The following CDH12 variants were observed in gnomAD, a reference collection of about 807,000 sequenced individuals.
CDH12 encodes the protein cadherin 12.
A neutral mutation model predicts 74.1 loss-of-function variants in CDH12; 41 were observed. The ratio of observed to expected loss-of-function variants is 0.55; its 90% confidence interval spans 0.43 to 0.72. The LOEUF (loss-of-function observed/expected upper bound fraction) is 0.72, where lower values mean the gene tolerates loss of function less well. Ranked by LOEUF, CDH12 falls within the 30% of genes least tolerant of loss-of-function variation. The probability of loss-of-function intolerance (pLI) is 0.00; values close to 1 mark genes in which losing one functional copy is unlikely to be tolerated. For synonymous variants in CDH12, 399 were observed against 355.0 expected (o/e 1.12, Z -1.39); for missense variants, 945 against 977.2 (o/e 0.97, Z 0.44).
chr5:22,631,515 T>A (rs550186215), intron 1 of CDH12, among the ~76,000 whole-genome samples: 2 of 152,252 alleles, frequency 1.3e-5, no homozygotes, highest in East Asian at 3.9e-4. Flanking sequence ...GCCATTATCT[T>A]AAGTGAACCG....
chr5:21,990,304 T>C (rs1303484576), intron 5 of CDH12, among the ~76,000 whole-genome samples: 1 of 152,132 alleles, frequency 6.6e-6, no homozygotes, highest in Non-Finnish European at 1.5e-5. Context: ...GAATTTTTGT[T>C]TGGCATATAG....
At chr5:22,199,162 G>T (rs1462881827) in intron 4 of CDH12, among the ~76,000 whole-genome samples, 1 of 152,120 alleles carries the variant, frequency 6.6e-6, no homozygotes, top group East Asian at 1.9e-4. Context: ...ACCACTTGGG[G>T]AAGCAACACA....
intron 4 of CDH12, chr5:22,172,309 C>G (rs1189324746): frequency 6.6e-6 from 1 of 151,778 alleles, no homozygotes; most frequent in African/African-American, 2.4e-5. Flanking sequence ...CACTTTTTCC[C>G]TCTTTATTCA....
intron 4 of CDH12, among the ~76,000 whole-genome samples, chr5:22,156,079 A>C (rs1039638220): frequency 3.9e-5 from 6 of 152,166 alleles, no homozygotes; most frequent in African/African-American, 1.4e-4. Flanking sequence ...TATAAAAGAT[A>C]ACATTAAATA....
intron 3 of CDH12, among the ~76,000 whole-genome samples, chr5:22,263,409 T>TCA (rs1418701625): frequency 1.3e-5 from 2 of 152,090 alleles, no homozygotes; most frequent in African/African-American, 4.8e-5. Flanking sequence ...AGTGTTAATA[T>TCA]CATTCTGGAG....
chr5:22,470,822 C>T (rs1485865703), intron 2 of CDH12, among the ~76,000 whole-genome samples: 1 of 149,378 alleles, frequency 6.7e-6, no homozygotes, highest in South Asian at 2.1e-4. Flanking sequence ...CACTTCTGAG[C>T]CCTTTTTTTT....
chr5:21,802,507 G>A (rs1747176575), intron 9 of CDH12, 87 bp from the exon 10 acceptor site: 2 of 1,107,306 alleles, frequency 1.8e-6, no homozygotes, highest in South Asian at 1.4e-5. Flanking sequence ...CAATTTGCAA[G>A]TTATTATCAA....
At chr5:22,498,999 G>C (rs1028509261) in intron 2 of CDH12, among the ~76,000 whole-genome samples, 1 of 138,268 alleles carries the variant, frequency 7.2e-6, no homozygotes, top group African/African-American at 2.7e-5. Flanking sequence ...TGTCTCCCCC[G>C]TTCAAGTGAT....
intron 1 of CDH12, among the ~76,000 whole-genome samples, chr5:22,745,585 C>A (rs1745253062): frequency 2.0e-5 from 3 of 151,986 alleles, no homozygotes; most frequent in African/African-American, 7.3e-5. Flanking sequence ...TACCATGCAG[C>A]CATAAAAAAG....
chr5:22,738,535 T>C (rs1197902759), intron 1 of CDH12, among the ~76,000 whole-genome samples: 1 of 152,036 alleles, frequency 6.6e-6, no homozygotes, highest in Non-Finnish European at 1.5e-5. Flanking sequence ...AAATTCAGTA[T>C]TGTGATAGAC....
intron 6 of CDH12, among the ~76,000 whole-genome samples, chr5:21,903,505 C>A (rs1467766840): frequency 6.6e-6 from 1 of 152,060 alleles, no homozygotes; most frequent in Non-Finnish European, 1.5e-5. Context: ...GCTAAGGGTT[C>A]GTTATCTTAA....
chr5:22,406,147 G>T (rs1003638136), intron 2 of CDH12, among the ~76,000 whole-genome samples: 3 of 152,168 alleles, frequency 2.0e-5, no homozygotes, highest in Non-Finnish European at 4.4e-5. Flanking sequence ...TGTAGTTACA[G>T]ATTATAAAAT....
chr5:22,395,623 T>C (rs766442848), intron 3 of CDH12, among the ~76,000 whole-genome samples: 2 of 152,100 alleles, frequency 1.3e-5, no homozygotes, highest in African/African-American at 2.4e-5. Context: ...TTTGGACATA[T>C]TAAATATAAG....
intron 1 of CDH12, among the ~76,000 whole-genome samples, chr5:22,681,223 T>TGG (rs35740954): frequency 2.8e-4 from 41 of 147,170 alleles, no homozygotes; most frequent in African/African-American, 8.8e-4. Flanking sequence ...TCCTGGGTAT[T>TGG]GGGGGGTGTG....
chr5:21,974,429 A>T (rs556823537), intron 6 of CDH12, among the ~76,000 whole-genome samples: 1 of 152,104 alleles, frequency 6.6e-6, no homozygotes, highest in Non-Finnish European at 1.5e-5. Flanking sequence ...CTGATATGGA[A>T]ATGTATATTT....
At chr5:22,762,678 C>A (rs1746289427) in intron 1 of CDH12, among the ~76,000 whole-genome samples, 1 of 151,952 alleles carries the variant, frequency 6.6e-6, no homozygotes, top group African/African-American at 2.4e-5. Flanking sequence ...ACATTCTTTT[C>A]TGGGAAGATA....
rs1442743715 is a variant in CDH12, at chr5:22,382,665, G to A, written c.-333+22592C>T. Among the ~76,000 whole-genome samples the A allele has an allele frequency of 4.6e-5, 7 of 152,092 alleles. No individual in the cohort carries two copies. The East Asian group carries it at 7.7e-4, about 17-fold the overall frequency. On this transcript the variant is annotated intron_variant, in intron 3 of 14. Coordinates refer to ENST00000382254, the MANE Select transcript of CDH12 (RefSeq NM_004061.5). Reference sequence around the variant, plus strand: ...CTTAGGAGGCAGTGAAGGCCAGTATGTGCATATACAACCTGCCATCTTTAA... The same window carrying A: ...CTTAGGAGGCAGTGAAGGCCAGTATATGCATATACAACCTGCCATCTTTAA...
At chr5:22,831,298 A>G (rs1736589231) in intron 1 of CDH12, among the ~76,000 whole-genome samples, 1 of 151,846 alleles carries the variant, frequency 6.6e-6, no homozygotes, top group Non-Finnish European at 1.5e-5. Context: ...GAGAATTGAG[A>G]TGATTCTGAG....
intron 1 of CDH12, among the ~76,000 whole-genome samples, chr5:22,835,313 T>C (rs112713068): frequency 4.5e-4 from 68 of 152,294 alleles, no homozygotes; most frequent in African/African-American, 1.5e-3. Flanking sequence ...ACAGTCACAT[T>C]ATTGAAAGAT....
Sources: allele counts gnomAD v4.1 joint callset (sites outside exome capture counted in the v4.1 genomes callset), GRCh38; gene constraint gnomAD v4.1.1; transcripts MANE v1.5; gene names NCBI Gene and HGNC (gene_info 2026-07-23, HGNC 2026-07-21).